Variants in UBE4B observed in about 807,000 individuals in gnomAD.
UBE4B encodes ubiquitination factor E4B, also known as ubiquitin conjugation factor E4 B.
A neutral mutation model predicts 148.1 loss-of-function variants in UBE4B; 27 were observed. That is an observed-to-expected ratio of 0.18 (90% CI 0.13 to 0.25). The LOEUF is 0.25. UBE4B is among the 10% of genes least tolerant of loss of function. The probability of loss-of-function intolerance (pLI) is 1.00; values close to 1 mark genes in which losing one functional copy is unlikely to be tolerated. For missense variants in UBE4B, 1,170 were observed against 1,662.4 expected (o/e 0.70, Z 5.15); for synonymous variants, 596 against 619.3 (o/e 0.96, Z 0.56).
chr1:10,041,091 C>T (rs776106402), intron 1 of UBE4B, among the ~76,000 whole-genome samples: 1 of 152,074 alleles, frequency 6.6e-6, no homozygotes, highest in Non-Finnish European at 1.5e-5. Flanking sequence ...TCCTTTTGTT[C>T]ATTGTAGACA....
intron 21 of UBE4B, among the ~76,000 whole-genome samples, chr1:10,153,797 AAT>A (rs1278646807): frequency 1.3e-5 from 2 of 150,492 alleles, no homozygotes; most frequent in South Asian, 4.2e-4. Context: ...AAAATACAAA[AAT>A]TAGGCCTGGC....
At chr1:10,179,039 C>G in intron 26 of UBE4B, 1 of 517,238 alleles carries the variant, frequency 1.9e-6, no homozygotes, top group South Asian at 3.8e-5. Context: ...GATAACAACC[C>G]TGAAGATTCT....
intron 18 of UBE4B, 41 bp downstream of exon 18, chr1:10,145,080 A>C (rs370055558): frequency 9.0e-5 from 136 of 1,517,294 alleles, no homozygotes; most frequent in Non-Finnish European, 1.2e-4. Context: ...CCAGCCTCAT[A>C]GTGATAATTT....
chr1:10,133,100 C>T (rs1485015328), intron 15 of UBE4B, among the ~76,000 whole-genome samples: 1 of 151,748 alleles, frequency 6.6e-6, no homozygotes, highest in Non-Finnish European at 1.5e-5. Context: ...CAGGAACAGA[C>T]CCAAGAAGGC....
At chr1:10,039,891 G>T (rs1375168650) in intron 1 of UBE4B, among the ~76,000 whole-genome samples, 2 of 152,076 alleles carry the variant, frequency 1.3e-5, no homozygotes, top group Non-Finnish European at 2.9e-5. Flanking sequence ...GCGAGGCAGT[G>T]GAGTCCAAGG....
At chr1:10,123,453 A>T (rs1645443465) in intron 10 of UBE4B, among the ~76,000 whole-genome samples, 2 of 149,940 alleles carry the variant, frequency 1.3e-5, no homozygotes, top group South Asian at 4.2e-4. Context: ...AAAAAAAAAA[A>T]TTACTGTCTT....
chr1:10,060,297 G>A (rs908198222), intron 1 of UBE4B, among the ~76,000 whole-genome samples: 16 of 152,098 alleles, frequency 1.1e-4, no homozygotes, highest in African/African-American at 3.1e-4. Context: ...GGATACTTAC[G>A]GTATGGCCTA....
intron 1 of UBE4B, among the ~76,000 whole-genome samples, chr1:10,039,963 T>A (rs1413117187): frequency 6.6e-6 from 1 of 151,772 alleles, no homozygotes; most frequent in African/African-American, 2.4e-5. Flanking sequence ...TACCAAGGAC[T>A]GTGATTAACC....
intron 1 of UBE4B, among the ~76,000 whole-genome samples, chr1:10,067,770 C>G (rs1644414112): frequency 6.6e-6 from 1 of 152,124 alleles, no homozygotes; most frequent in Admixed American, 6.6e-5. Flanking sequence ...CTCTATGGCC[C>G]AGGCTGGAGT....
chr1:10,157,677 C>T (rs1012640738), intron 21 of UBE4B, among the ~76,000 whole-genome samples: 2 of 152,036 alleles, frequency 1.3e-5, no homozygotes, highest in Non-Finnish European at 2.9e-5. Context: ...ACTAGGGAGG[C>T]TGAGGCAGGA....
intron 8 of UBE4B, among the ~76,000 whole-genome samples, chr1:10,118,965 C>G (rs1435127684): frequency 1.6e-5 from 2 of 126,700 alleles, no homozygotes; most frequent in Admixed American, 1.9e-4. Context: ...TCACTGCAAT[C>G]TCTGCCTCCT....
At chr1:10,063,660 T>C (rs1644329959) in intron 1 of UBE4B, among the ~76,000 whole-genome samples, 1 of 152,088 alleles carries the variant, frequency 6.6e-6, no homozygotes, top group Non-Finnish European at 1.5e-5. Context: ...ATTCCAACAC[T>C]TTGGGAGGCC....
intron 23 of UBE4B, among the ~76,000 whole-genome samples, chr1:10,163,842 G>A (rs1027862654): frequency 6.6e-6 from 1 of 150,418 alleles, no homozygotes; most frequent in African/African-American, 2.4e-5. Context: ...CGCAATCTTG[G>A]CTCAATTTAT....
intron 15 of UBE4B, among the ~76,000 whole-genome samples, chr1:10,133,066 C>G (rs1206550733): frequency 2.0e-5 from 3 of 146,850 alleles, no homozygotes; most frequent in Non-Finnish European, 4.7e-5. Context: ...AGGGGGCAGC[C>G]AGGAACAGAC....
At chr1:10,086,070 C>G (rs1644761225) in intron 2 of UBE4B, among the ~76,000 whole-genome samples, 1 of 152,128 alleles carries the variant, frequency 6.6e-6, no homozygotes, top group Admixed American at 6.5e-5. Flanking sequence ...CTCCCTGGTT[C>G]ACGCCATTCT....
rs759379212 is a variant in UBE4B, at chr1:10,151,444, G to A, written c.2809G>A (p.Val937Ile). ...ATATTTGGTGGCCAAACTGGTAGAAGTCATGTTTATGACCAACCCTGCTGT... is the reference window on the plus strand; with the variant it reads ...ATATTTGGTGGCCAAACTGGTAGAAATCATGTTTATGACCAACCCTGCTGT... ...NPYLVAKLVE[V>I]MFMTNPAVQP... Residue 937 changes from valine (V) to isoleucine (I), a missense_variant, in exon 21 of 28, where the codon GTC becomes ATC. By Grantham distance (29) the Val-to-Ile change is conservative. Coordinates refer to ENST00000343090, the MANE Select transcript of UBE4B (RefSeq NM_001105562.3). 5 of 1,614,026 alleles carry A rather than the reference G, an allele frequency of 3.1e-6. No homozygotes were observed. The highest frequency in any genetic ancestry group is 4.2e-6 in the Non-Finnish European group (5 of 1,180,046).
chr1:10,103,415 A>C (rs912405010), intron 5 of UBE4B, among the ~76,000 whole-genome samples: 3 of 143,806 alleles, frequency 2.1e-5, no homozygotes, highest in Admixed American at 7.0e-5. Context: ...TTATTTATTT[A>C]TTTATTTATT....
intron 7 of UBE4B, among the ~76,000 whole-genome samples, chr1:10,109,083 G>T (rs1377062207): frequency 6.6e-6 from 1 of 152,086 alleles, no homozygotes; most frequent in Non-Finnish European, 1.5e-5. Flanking sequence ...AATGTACCAA[G>T]TGTATAAAAA....
intron 1 of UBE4B, among the ~76,000 whole-genome samples, chr1:10,043,063 G>C (rs1472458592): frequency 6.6e-6 from 1 of 150,690 alleles, no homozygotes; most frequent in Non-Finnish European, 1.5e-5. Context: ...AGGCTGGACT[G>C]CAGTGGCTCA....
Sources: allele counts gnomAD v4.1 joint callset (sites outside exome capture counted in the v4.1 genomes callset), GRCh38; gene constraint gnomAD v4.1.1; transcripts MANE v1.5; gene names NCBI Gene and HGNC (gene_info 2026-07-23, HGNC 2026-07-21).